The following CDH23 variants were observed in gnomAD, a reference collection of about 807,000 sequenced individuals.
The protein encoded by CDH23 is cadherin related 23, also known as cadherin-23.
CDH23 carries 189 observed loss-of-function variants against 317.1 expected under a neutral mutation model. The observed-to-expected ratio is 0.60, with a 90% confidence interval of 0.53 to 0.67. The LOEUF is 0.67. Among genes scored for constraint, CDH23 ranks in the 30% least tolerant of loss-of-function variants. The probability of loss-of-function intolerance (pLI) is 0.00; values close to 1 mark genes in which losing one functional copy is unlikely to be tolerated. For synonymous variants in CDH23, 1,839 were observed against 1,876.8 expected (o/e 0.98, Z 0.52); for missense variants, 4,401 against 4,592.4 (o/e 0.96, Z 1.20).
chr10:71,647,539 A>G (rs1046548934), intron 14 of CDH23: 3 of 152,118 alleles, frequency 2.0e-5, no homozygotes, highest in Non-Finnish European at 4.4e-5. Flanking sequence ...TGTCTTCAAC[A>G]CTGGGCTCTG....
In CDH23 at chr10:71,428,314, T is replaced by G. The variant is rs1019850464; in HGVS notation, c.-5-11513T>G. On this transcript the variant is annotated intron_variant, in intron 1 of 69. Coordinates refer to ENST00000224721, the MANE Select transcript of CDH23 (RefSeq NM_022124.6). Reference sequence around the variant, plus strand: ...CACCAGGCCCAGCTAATTTTTGTATTTTTAGTAGAGATGGGGTTTCACCAT... The same window carrying G: ...CACCAGGCCCAGCTAATTTTTGTATGTTTAGTAGAGATGGGGTTTCACCAT... Among the ~76,000 whole-genome samples the G allele has an allele frequency of 2.4e-4, 36 of 151,326 alleles. 1 individual carries two copies. Among genetic ancestry groups the G allele is most frequent in the African/African-American group, 8.7e-4 (36 of 41,214 alleles).
rs138023763 is a variant in CDH23, at chr10:71,613,889, C to A, written c.833-1615C>A. Among the ~76,000 whole-genome samples, 202 of 152,324 alleles carry A rather than the reference C, an allele frequency of 1.3e-3. 2 individuals are homozygous for A. Among genetic ancestry groups the A allele is most frequent in the Non-Finnish European group, 1.3e-3 (90 of 68,034 alleles). Reference sequence around the variant, plus strand: ...TCAGTCCTGCCCATTCTCCAGGAACCACCTCAAACAATAACGACAACACTA... The same window carrying A: ...TCAGTCCTGCCCATTCTCCAGGAACAACCTCAAACAATAACGACAACACTA... On this transcript the variant is annotated intron_variant, in intron 9 of 69. Transcript: ENST00000224721.
intron 9 of CDH23, among the ~76,000 whole-genome samples, chr10:71,586,784 G>C (rs996511645): frequency 5.3e-5 from 8 of 152,138 alleles, no homozygotes; most frequent in African/African-American, 1.9e-4. Context: ...AGTTGTCTTT[G>C]AACTTTATTT....
intron 48 of CDH23, among the ~76,000 whole-genome samples, chr10:71,794,858 T>A (rs1001256777): frequency 2.1e-4 from 32 of 152,196 alleles, no homozygotes; most frequent in African/African-American, 7.5e-4. Flanking sequence ...GGATGCTCAC[T>A]GCAGTGTTAT....
intron 6 of CDH23, among the ~76,000 whole-genome samples, chr10:71,560,899 A>T (rs547359668): frequency 6.6e-6 from 1 of 152,206 alleles, no homozygotes; most frequent in Non-Finnish European, 1.5e-5. Context: ...GCATTCCATA[A>T]ATATTAATAA....
At chr10:71,612,710 G>A (rs1399399902) in intron 9 of CDH23, among the ~76,000 whole-genome samples, 1 of 152,204 alleles carries the variant, frequency 6.6e-6, no homozygotes, top group Admixed American at 6.5e-5. Flanking sequence ...AGGCTCTGAG[G>A]TCTTGCCTCA....
intron 8 of CDH23, among the ~76,000 whole-genome samples, chr10:71,576,796 G>A (rs558255610): frequency 3.3e-5 from 5 of 152,260 alleles, no homozygotes; most frequent in Admixed American, 6.5e-5. Flanking sequence ...GAGTGGTGGC[G>A]GTGACCTTCC....
intron 28 of CDH23, chr10:71,714,204 T>C (rs1866111691): frequency 6.6e-6 from 1 of 152,096 alleles, no homozygotes; most frequent in African/African-American, 2.4e-5. Context: ...CAATAGAGCC[T>C]GCTTGGAGAG....
intron 3 of CDH23, among the ~76,000 whole-genome samples, chr10:71,469,000 C>T (rs763340250): frequency 2.7e-4 from 41 of 152,336 alleles, no homozygotes. Flanking sequence ...GCTCCCTTTC[C>T]CTCCAAGAGC....
intron 11 of CDH23, among the ~76,000 whole-genome samples, chr10:71,619,229 G>C (rs1336273597): frequency 6.6e-6 from 1 of 151,982 alleles, no homozygotes; most frequent in African/African-American, 2.4e-5. Flanking sequence ...CAGCTACTCA[G>C]GAAGGTGAGG....
chr10:71,530,944 A>C (rs1855340816), intron 6 of CDH23, among the ~76,000 whole-genome samples: 1 of 152,202 alleles, frequency 6.6e-6, no homozygotes, highest in African/African-American at 2.4e-5. Flanking sequence ...CAGACCTCAG[A>C]ATATGCATGA....
At chr10:71,668,306 T>C (rs964871975) in intron 14 of CDH23, among the ~76,000 whole-genome samples, 1 of 152,162 alleles carries the variant, frequency 6.6e-6, no homozygotes, top group African/African-American at 2.4e-5. Context: ...AAACTGCCTG[T>C]GGGGGCCCAT....
intron 21 of CDH23, among the ~76,000 whole-genome samples, chr10:71,695,104 C>T (rs866081854): frequency 3.3e-5 from 5 of 152,322 alleles, no homozygotes; most frequent in Middle Eastern, 6.8e-3. Flanking sequence ...AGATCCCCCA[C>T]CCTGTCAGTC....
At chr10:71,506,668 G>C (rs1163079134) in intron 3 of CDH23, among the ~76,000 whole-genome samples, 1 of 152,218 alleles carries the variant, frequency 6.6e-6, no homozygotes, top group Non-Finnish European at 1.5e-5. Context: ...GGAGAAGCCA[G>C]GGCTGGGCCC....
At chr10:71,403,578 G>A (rs112360171) in intron 1 of CDH23, among the ~76,000 whole-genome samples, 18 of 144,028 alleles carry the variant, frequency 1.2e-4, no homozygotes, top group African/African-American at 3.1e-4. Context: ...GTGCAGTGGC[G>A]CAATCTCAGC....
chr10:71,505,944 C>T lies in CDH23; in HGVS notation c.146-4138C>T, dbSNP rs150951047. ...AAAACTTGTACATAAATGTTCATAGCGGCATTATTTCCAATAGTCAACAGA... is the reference window on the plus strand; with the variant it reads ...AAAACTTGTACATAAATGTTCATAGTGGCATTATTTCCAATAGTCAACAGA... On this transcript the variant is annotated intron_variant, in intron 3 of 69. Coordinates refer to ENST00000224721, the MANE Select transcript of CDH23 (RefSeq NM_022124.6). 1.6e-3 allele frequency among the ~76,000 whole-genome samples: 245 copies of T among 152,278 alleles called. 4 individuals carry two copies. The highest frequency in any genetic ancestry group is 2.7e-3 in the Non-Finnish European group (181 of 68,016).
chr10:71,579,447 T>C (rs546267416), intron 9 of CDH23, among the ~76,000 whole-genome samples: 6 of 152,136 alleles, frequency 3.9e-5, no homozygotes, highest in Non-Finnish European at 7.3e-5. Context: ...TAAACCCCGA[T>C]ATGTACTTGC....
rs753993106 is a variant in CDH23 at position 71,738,539 on chromosome 10, G to A, written c.4251G>A (p.Arg1417=). 3.1e-6 allele frequency: 5 copies of A among 1,613,866 alleles called. No individual in the cohort carries two copies. The African/African-American group carries it at 4.0e-5, about 13-fold the overall frequency. ...TVLDENDNSP[R]FDFTSDSAVS... ...TGGACGAGAATGACAACAGCCCCCG[G>A]TTTGACTTCACCTCCGACTCGGCGG... Residue 1417 remains arginine, a synonymous_variant, in exon 35 of 70, where the codon CGG becomes CGA. Coordinates refer to ENST00000224721, the MANE Select transcript of CDH23 (RefSeq NM_022124.6).
chr10:71,595,099 A>G (rs1021235883), intron 9 of CDH23, among the ~76,000 whole-genome samples: 1 of 152,202 alleles, frequency 6.6e-6, no homozygotes, highest in Non-Finnish European at 1.5e-5. Flanking sequence ...AATAGAGTTC[A>G]AAATACCTAC....
Sources: gnomAD v4.1 joint callset for allele counts (sites outside exome capture counted in the v4.1 genomes callset) on GRCh38, gnomAD v4.1.1 for gene constraint, MANE v1.5 for transcripts, NCBI Gene and HGNC (gene_info 2026-07-23, HGNC 2026-07-21) for gene names.